The following CTNNBL1 variants were observed in gnomAD, a reference collection of about 807,000 sequenced individuals.
The protein encoded by CTNNBL1 is catenin beta like 1.
In CTNNBL1, 31 loss-of-function variants were observed where a neutral mutation model predicts 72.7. That is an observed-to-expected ratio of 0.43 (90% CI 0.32 to 0.58). CTNNBL1 has a LOEUF of 0.58. CTNNBL1 is among the 20% of genes least tolerant of loss of function. The pLI is 0.08. For synonymous variants in CTNNBL1, 240 were observed against 267.3 expected (o/e 0.90, Z 1.00); for missense variants, 534 against 725.1 (o/e 0.74, Z 3.03).
chr20:37,754,060 T>C (rs1046662258), intron 4 of CTNNBL1, among the ~76,000 whole-genome samples: 1 of 152,204 alleles, frequency 6.6e-6, no homozygotes, highest in Non-Finnish European at 1.5e-5. Context: ...TCCTCAAGCT[T>C]GCATTGACTC....
chr20:37,864,451 CGG>C (rs529928550), intron 15 of CTNNBL1, among the ~76,000 whole-genome samples: 31 of 152,252 alleles, frequency 2.0e-4, no homozygotes, highest in African/African-American at 6.7e-4. Flanking sequence ...GCAAGCCCAG[CGG>C]GGGACTTTTC....
chr20:37,737,578 G>A, intron 3 of CTNNBL1, 94 bp downstream of exon 3: 1 of 795,658 alleles, frequency 1.3e-6, no homozygotes, highest in Non-Finnish European at 2.0e-6. Flanking sequence ...TTTGTGATTT[G>A]GGCCAGGAAT....
chr20:37,803,123 A>G, intron 11 of CTNNBL1, 75 bp downstream of exon 11: 1 of 1,350,846 alleles, frequency 7.4e-7, no homozygotes, highest in Non-Finnish European at 1.0e-6. Context: ...ACTTTGAAAA[A>G]TTCTGACGTG....
chr20:37,787,910 G>C (rs79962724), intron 10 of CTNNBL1, among the ~76,000 whole-genome samples: 3,539 of 152,030 alleles, frequency 0.023, 127 homozygotes, highest in African/African-American at 0.08. Context: ...GTTTGAAATT[G>C]TTTCTAGTCC....
intron 11 of CTNNBL1, among the ~76,000 whole-genome samples, chr20:37,834,583 C>T (rs1489099883): frequency 6.6e-6 from 1 of 152,170 alleles, no homozygotes; most frequent in Non-Finnish European, 1.5e-5. Context: ...TCAGGCTTTG[C>T]ATGGTCTCAT....
chr20:37,823,646 C>T (rs1312304065), intron 11 of CTNNBL1, among the ~76,000 whole-genome samples: 1 of 152,160 alleles, frequency 6.6e-6, no homozygotes, highest in African/African-American at 2.4e-5. Flanking sequence ...AAACAGGCCC[C>T]CTCCCCCACC....
At chr20:37,767,688 T>C (rs973332167) in intron 6 of CTNNBL1, among the ~76,000 whole-genome samples, 24 of 152,306 alleles carry the variant, frequency 1.6e-4, no homozygotes, top group Admixed American at 3.9e-4. Context: ...TCCGCTCTAG[T>C]GTTGTTCCCT....
chr20:37,806,281 C>T (rs373688571), intron 11 of CTNNBL1, among the ~76,000 whole-genome samples: 141 of 152,264 alleles, frequency 9.3e-4, no homozygotes, highest in African/African-American at 3.2e-3. Context: ...GGAATCAGCT[C>T]GCCAGTCCAG....
chr20:37,823,466 G>T (rs2072129484), intron 11 of CTNNBL1, among the ~76,000 whole-genome samples: 1 of 152,160 alleles, frequency 6.6e-6, no homozygotes. Context: ...GAGTGTGTGT[G>T]GAGCTCAACA....
chr20:37,736,225 A>G (rs2122604580), intron 2 of CTNNBL1, among the ~76,000 whole-genome samples: 1 of 152,314 alleles, frequency 6.6e-6, no homozygotes, highest in East Asian at 1.9e-4. Context: ...GCAAAGTAAT[A>G]TATAAGAAAT....
chr20:37,862,115 G>A (rs1270253957), intron 15 of CTNNBL1, among the ~76,000 whole-genome samples: 2 of 54,208 alleles, frequency 3.7e-5, no homozygotes, highest in Middle Eastern at 0.012. Flanking sequence ...GAGTAAAGGG[G>A]TCTGATGGAC....
At chr20:37,792,402 G>A (rs577736420) in intron 10 of CTNNBL1, among the ~76,000 whole-genome samples, 9 of 152,120 alleles carry the variant, frequency 5.9e-5, no homozygotes, top group Admixed American at 2.0e-4. Flanking sequence ...TCTAACTCCC[G>A]GACTCAAAAG....
At chr20:37,738,833 G>A (rs1285816186) in intron 3 of CTNNBL1, among the ~76,000 whole-genome samples, 1 of 152,162 alleles carries the variant, frequency 6.6e-6, no homozygotes, top group Non-Finnish European at 1.5e-5. Flanking sequence ...AATATGAGGA[G>A]CATGAACAAA....
At chr20:37,815,466 C>T (rs970162213) in intron 11 of CTNNBL1, among the ~76,000 whole-genome samples, 26 of 151,920 alleles carry the variant, frequency 1.7e-4, no homozygotes, top group Non-Finnish European at 3.7e-4. Context: ...TACAGGCATG[C>T]GCCACCATGC....
intron 11 of CTNNBL1, among the ~76,000 whole-genome samples, chr20:37,824,093 A>G (rs1228459308): frequency 6.6e-6 from 1 of 152,240 alleles, no homozygotes; most frequent in African/African-American, 2.4e-5. Context: ...TAGATGAGCT[A>G]TTGCTAAAAG....
Position 37,871,912 on chromosome 20 carries a change from T to C in CTNNBL1, c.1604-13T>C. On this transcript the variant is annotated splice_polypyrimidine_tract_variant and intron_variant, in intron 15 of 15. Transcript: ENST00000361383. ...CCTGGGATCCACTCCTGACTCTATC[T>C]TTGTCCCCCTAGAGTATGCAGAGAA... 1 of 1,611,640 alleles carries C rather than the reference T, an allele frequency of 6.2e-7. No individual in the cohort carries two copies. Among genetic ancestry groups the C allele is most frequent in the Non-Finnish European group, 8.5e-7 (1 of 1,177,882 alleles).
chr20:37,799,783 G>A (rs1425181065), intron 10 of CTNNBL1, among the ~76,000 whole-genome samples: 2 of 152,160 alleles, frequency 1.3e-5, no homozygotes, highest in African/African-American at 4.8e-5. Flanking sequence ...ATGGGCATTT[G>A]TGAATCTTTG....
intron 1 of CTNNBL1, among the ~76,000 whole-genome samples, chr20:37,726,267 C>G (rs6125996): frequency 0.055 from 8,303 of 152,208 alleles, 704 homozygotes; most frequent in African/African-American, 0.18. Flanking sequence ...TGTTGATGGT[C>G]GTTTCTAGTT....
At chr20:37,840,240 T>C (rs534413125) in intron 12 of CTNNBL1, 41 bp downstream of exon 12, 2 of 1,427,366 alleles carry the variant, frequency 1.4e-6, no homozygotes, top group Non-Finnish European at 2.0e-6. Flanking sequence ...CCGGGACTGA[T>C]AGAAAGGCTC....
Sources: allele counts gnomAD v4.1 joint callset (sites outside exome capture counted in the v4.1 genomes callset), GRCh38; gene constraint gnomAD v4.1.1; transcripts MANE v1.5; gene names NCBI Gene and HGNC (gene_info 2026-07-23, HGNC 2026-07-21).